The following CSNK2A2IP variants were observed in gnomAD, a reference collection of about 807,000 sequenced individuals.
CSNK2A2IP encodes the protein casein kinase 2 subunit alpha' interacting protein, also known as casein kinase II subunit alpha'-interacting protein.
At chr3:88,390,976 T>G in the CSNK2A2IP span, among the ~76,000 whole-genome samples, 5 of 152,220 alleles carry the variant, frequency 3.3e-5, no homozygotes, top group Admixed American at 3.3e-4. Context: ...ATTAAGAATT[T>G]GTGTTCTAGA....
chr3:88,433,073 A>G, the CSNK2A2IP span, among the ~76,000 whole-genome samples: 63 of 152,144 alleles, frequency 4.1e-4, no homozygotes, highest in Admixed American at 1.0e-3. Context: ...GGTTATAAAG[A>G]TTTGGTCCCT....
chr3:88,446,066 C>CTTTCTTTCTTTCTTTCTTTT, the CSNK2A2IP span, among the ~76,000 whole-genome samples: 2 of 108,568 alleles, frequency 1.8e-5, no homozygotes, highest in African/African-American at 7.2e-5. Flanking sequence ...TTCTTTCTTT[C>CTTTCTTTCTTTCTTTCTTTT]TTTCTTTCTT....
chr3:88,358,403 C>T, the CSNK2A2IP span, among the ~76,000 whole-genome samples: 2 of 152,082 alleles, frequency 1.3e-5, no homozygotes, highest in Admixed American at 6.6e-5. Flanking sequence ...GCATCCTTGC[C>T]TTGTTCCGGA....
chr3:88,401,329 G>C, the CSNK2A2IP span, among the ~76,000 whole-genome samples: 1 of 151,928 alleles, frequency 6.6e-6, no homozygotes. Flanking sequence ...TCATTATTTA[G>C]ATAAAATTAT....
chr3:88,383,650 TC>T, the CSNK2A2IP span, among the ~76,000 whole-genome samples: 1 of 125,698 alleles, frequency 8.0e-6, no homozygotes, highest in African/African-American at 2.9e-5. Context: ...TTCTTTTCTT[TC>T]TTTTTTTTTT....
the CSNK2A2IP span, among the ~76,000 whole-genome samples, chr3:88,459,620 T>C: frequency 6.6e-5 from 10 of 152,264 alleles, no homozygotes; most frequent in East Asian, 3.9e-4. Flanking sequence ...ATAGTAAATA[T>C]GCTAATCTTT....
At chr3:88,362,918 T>C in the CSNK2A2IP span, among the ~76,000 whole-genome samples, 1 of 152,138 alleles carries the variant, frequency 6.6e-6, no homozygotes, top group Non-Finnish European at 1.5e-5. Flanking sequence ...GGGGGAGAAG[T>C]GATACCCACA....
the CSNK2A2IP span, among the ~76,000 whole-genome samples, chr3:88,341,615 GA>G: frequency 1.7e-3 from 250 of 150,498 alleles, 2 homozygotes; most frequent in Admixed American, 4.3e-3. Context: ...ATTCCCACAG[GA>G]AAAAAAAACT....
chr3:88,387,122 A>G, the CSNK2A2IP span, among the ~76,000 whole-genome samples: 4 of 151,972 alleles, frequency 2.6e-5, no homozygotes, highest in African/African-American at 9.7e-5. Flanking sequence ...CAGCATTGCA[A>G]CAACCACTAT....
the CSNK2A2IP span, among the ~76,000 whole-genome samples, chr3:88,437,979 GA>G: frequency 6.6e-6 from 1 of 152,166 alleles, no homozygotes; most frequent in South Asian, 2.1e-4. Flanking sequence ...TACAAAGGCT[GA>G]AAAAATTATT....
chr3:88,436,429 GAA>G, the CSNK2A2IP span, among the ~76,000 whole-genome samples: 1 of 151,962 alleles, frequency 6.6e-6, no homozygotes, highest in Non-Finnish European at 1.5e-5. Flanking sequence ...TTTTTTGTAA[GAA>G]ATGTCTTTTG....
the CSNK2A2IP span, among the ~76,000 whole-genome samples, chr3:88,401,404 TTAGTTAA>T: frequency 6.6e-6 from 1 of 152,112 alleles, no homozygotes; most frequent in Non-Finnish European, 1.5e-5. Flanking sequence ...CAGAAGCCTG[TTAGTTAA>T]TAGTCTTCAG....
chr3:88,386,333 C>T, the CSNK2A2IP span, among the ~76,000 whole-genome samples: 1 of 152,120 alleles, frequency 6.6e-6, no homozygotes, highest in Non-Finnish European at 1.5e-5. Flanking sequence ...ACCATGTTGG[C>T]CGGGCCAGTC....
chr3:88,368,587 G>GAAAC, the CSNK2A2IP span, among the ~76,000 whole-genome samples: 2 of 151,944 alleles, frequency 1.3e-5, no homozygotes, highest in East Asian at 1.9e-4. Flanking sequence ...TCCTCCACAA[G>GAAAC]AAACAAACAA....
chr3:88,421,686 G>T, the CSNK2A2IP span, among the ~76,000 whole-genome samples: 1 of 151,956 alleles, frequency 6.6e-6, no homozygotes, highest in Admixed American at 6.6e-5. Context: ...CAAAATGCTG[G>T]GATTACAGGC....
At chr3:88,458,141 GTTTTTTTTTTT>G in the CSNK2A2IP span, among the ~76,000 whole-genome samples, 3 of 83,304 alleles carry the variant, frequency 3.6e-5, no homozygotes, top group Non-Finnish European at 6.7e-5. Flanking sequence ...TGTAATTGTG[GTTTTTTTTTTT>G]TTTTTTTTTT....
At chr3:88,342,797 G>A in the CSNK2A2IP span, among the ~76,000 whole-genome samples, 1 of 151,624 alleles carries the variant, frequency 6.6e-6, no homozygotes, top group African/African-American at 2.4e-5. Flanking sequence ...ACTTTTGTAG[G>A]TTGATAATTT....
the CSNK2A2IP span, among the ~76,000 whole-genome samples, chr3:88,396,206 C>T: frequency 1.1e-4 from 16 of 150,284 alleles, no homozygotes; most frequent in African/African-American, 2.4e-5. Context: ...CTGGGGTTCA[C>T]GCCATTCTCC....
the CSNK2A2IP span, among the ~76,000 whole-genome samples, chr3:88,383,143 C>A: frequency 6.6e-6 from 1 of 151,826 alleles, no homozygotes; most frequent in Non-Finnish European, 1.5e-5. Flanking sequence ...TTTTGGAGGT[C>A]CTGTAGAAGA....
Sources: gnomAD v4.1 joint callset for allele counts (sites outside exome capture counted in the v4.1 genomes callset) on GRCh38, gnomAD v4.1.1 for gene constraint, MANE v1.5 for transcripts, NCBI Gene and HGNC (gene_info 2026-07-23, HGNC 2026-07-21) for gene names.